Variants in PTPRE observed in about 807,000 individuals in gnomAD.
PTPRE encodes receptor-type tyrosine-protein phosphatase epsilon.
In PTPRE, 51 loss-of-function variants were observed where a neutral mutation model predicts 102.0. That is an observed-to-expected ratio of 0.50 (90% confidence interval 0.40 to 0.63). The LOEUF (loss-of-function observed/expected upper bound fraction) is 0.63, where lower values mean the gene tolerates loss of function less well. Ranked by LOEUF, PTPRE falls within the 30% of genes least tolerant of loss-of-function variation. PTPRE has a pLI of 0.00. For missense variants in PTPRE, 752 were observed against 915.1 expected (o/e 0.82, Z 2.30); for synonymous variants, 345 against 348.2 (o/e 0.99, Z 0.10).
At chr10:128,009,520 G>T (rs1339383299) in intron 2 of PTPRE, among the ~76,000 whole-genome samples, 1 of 152,190 alleles carries the variant, frequency 6.6e-6, no homozygotes, top group South Asian at 2.1e-4. Flanking sequence ...AGTGCCAAGG[G>T]CATGCTTCTT....
intron 1 of PTPRE, among the ~76,000 whole-genome samples, chr10:127,930,691 A>G (rs929906167): frequency 2.0e-5 from 3 of 152,106 alleles, no homozygotes; most frequent in Non-Finnish European, 2.9e-5. Context: ...AAACTTCCCA[A>G]CTACTTTCTG....
At chr10:127,946,387 A>ATTGCACCTGTGCACACTTGCTCATCTG (rs1554896645) in intron 1 of PTPRE, among the ~76,000 whole-genome samples, 18 of 148,306 alleles carry the variant, frequency 1.2e-4, no homozygotes, top group South Asian at 4.4e-4. Context: ...AAGTAAGGAT[A>ATTGCACCTGTGCACACTTGCTCATCTG]TATATACAAG....
chr10:128,025,462 C>T (rs1264274635), intron 2 of PTPRE, among the ~76,000 whole-genome samples: 2 of 152,144 alleles, frequency 1.3e-5, no homozygotes, highest in Admixed American at 6.5e-5. Flanking sequence ...ATGGAAATAG[C>T]GATAGATTTT....
chr10:128,038,598 AT>A (rs1847419130), intron 2 of PTPRE, among the ~76,000 whole-genome samples: 1 of 142,748 alleles, frequency 7.0e-6, no homozygotes, highest in Admixed American at 7.3e-5. Context: ...ATAGGTGGGA[AT>A]TGAACAATGA....
intron 10 of PTPRE, among the ~76,000 whole-genome samples, chr10:128,064,890 C>T (rs1354283837): frequency 1.3e-5 from 2 of 152,154 alleles, no homozygotes; most frequent in African/African-American, 2.4e-5. Flanking sequence ...ATCTCATGAT[C>T]GGGTGGGAGG....
At chr10:128,076,808 C>G in intron 18 of PTPRE, 80 bp downstream of exon 18, 1 of 1,576,938 alleles carries the variant, frequency 6.3e-7, no homozygotes, top group South Asian at 1.1e-5. Flanking sequence ...GTCATTGAAC[C>G]AGAATGTGGC....
chr10:128,001,196 G>C (rs867873635), intron 2 of PTPRE, among the ~76,000 whole-genome samples: 5 of 142,518 alleles, frequency 3.5e-5, no homozygotes, highest in Admixed American at 7.0e-5. Context: ...AGAGAGATCT[G>C]AGTGTGTGTG....
At chr10:127,995,392 C>T (rs939952527) in intron 2 of PTPRE, among the ~76,000 whole-genome samples, 5 of 152,180 alleles carry the variant, frequency 3.3e-5, no homozygotes, top group East Asian at 1.9e-4. Context: ...CTTCCATCCG[C>T]GTCCCTGGAG....
At chr10:127,922,787 G>A (rs1470447332) in intron 1 of PTPRE, among the ~76,000 whole-genome samples, 2 of 152,226 alleles carry the variant, frequency 1.3e-5, no homozygotes, top group East Asian at 3.8e-4. Flanking sequence ...AGCGGCTTCT[G>A]TCGGGCCATT....
intron 2 of PTPRE, among the ~76,000 whole-genome samples, chr10:128,025,470 T>C (rs1483273301): frequency 6.6e-6 from 1 of 152,114 alleles, no homozygotes; most frequent in Non-Finnish European, 1.5e-5. Flanking sequence ...AGCGATAGAT[T>C]TTATTGCCCC....
intron 2 of PTPRE, among the ~76,000 whole-genome samples, chr10:128,022,782 G>A (rs959562499): frequency 2.0e-5 from 3 of 152,236 alleles, no homozygotes; most frequent in East Asian, 1.9e-4. Context: ...TGGGAGGGGC[G>A]CTGGAGGCAG....
intron 2 of PTPRE, among the ~76,000 whole-genome samples, chr10:128,032,798 A>G (rs1042941085): frequency 6.6e-6 from 1 of 152,260 alleles, no homozygotes; most frequent in Admixed American, 6.5e-5. Context: ...AAGTCAGTAC[A>G]ACTTGTAAAA....
At chr10:128,011,962 C>A (rs1383686037) in intron 2 of PTPRE, among the ~76,000 whole-genome samples, 1 of 152,246 alleles carries the variant, frequency 6.6e-6, no homozygotes, top group Non-Finnish European at 1.5e-5. Flanking sequence ...AAGGGAAAAA[C>A]CTCTAAGAGA....
chr10:128,047,803 C>T lies in PTPRE; in HGVS notation c.249C>T (p.Asp83=). 1 of 1,605,370 alleles carries T rather than the reference C, an allele frequency of 6.2e-7. No homozygotes were observed. Among genetic ancestry groups the T allele is most frequent in the Non-Finnish European group, 8.5e-7 (1 of 1,173,018 alleles). The stretch of plus-strand genomic sequence containing the variant: ...GGAAAGCTGTGGTCAGCACCAGCGA[C>T]AAGAAGATGCCCAACGGAATCTTGG... The part of the protein sequence containing the change: ...KQRKAVVSTS[D]KKMPNGILEE... The change falls in exon 5 of 21, where the codon GAC becomes GAT. Residue 83 remains aspartate (D), a synonymous_variant. Transcript: ENST00000254667.
chr10:127,930,589 G>T (rs1847356431), intron 1 of PTPRE, among the ~76,000 whole-genome samples: 1 of 152,138 alleles, frequency 6.6e-6, no homozygotes, highest in Non-Finnish European at 1.5e-5. Flanking sequence ...GTGCATGTAG[G>T]TTTTTGCATA....
At chr10:127,972,520 C>T (rs953202621) in intron 1 of PTPRE, among the ~76,000 whole-genome samples, 16 of 152,218 alleles carry the variant, frequency 1.1e-4, no homozygotes, top group African/African-American at 1.9e-4. Flanking sequence ...GCCCCACCCA[C>T]GGCCAACCCC....
At chr10:127,978,601 C>G (rs1303220632) in intron 1 of PTPRE, among the ~76,000 whole-genome samples, 1 of 152,138 alleles carries the variant, frequency 6.6e-6, no homozygotes, top group East Asian at 1.9e-4. Context: ...TGTAGGATGG[C>G]TTCCTCCGGG....
chr10:128,046,391 G>C (rs1207895799), intron 3 of PTPRE, among the ~76,000 whole-genome samples: 2 of 152,206 alleles, frequency 1.3e-5, no homozygotes, highest in Non-Finnish European at 2.9e-5. Context: ...GGTGCTTCTG[G>C]GAACTTAAAG....
At chr10:128,067,156 CCA>C (rs1287528501) in intron 11 of PTPRE, among the ~76,000 whole-genome samples, 9 of 145,248 alleles carry the variant, frequency 6.2e-5, no homozygotes, top group African/African-American at 1.8e-4. Flanking sequence ...CACACACACC[CCA>C]CTCACATGCA....
Sources: gnomAD v4.1 joint callset for allele counts (sites outside exome capture counted in the v4.1 genomes callset) on GRCh38, gnomAD v4.1.1 for gene constraint, MANE v1.5 for transcripts, NCBI Gene and HGNC (gene_info 2026-07-23, HGNC 2026-07-21) for gene names.